RFC1: variants seen among roughly 807,000 people sequenced by gnomAD.
RFC1 encodes A1 140 kDa subunit.
A neutral mutation model predicts 137.4 loss-of-function variants in RFC1; 37 were observed. The ratio of observed to expected loss-of-function variants is 0.27; its 90% CI spans 0.21 to 0.35. The LOEUF is 0.35. RFC1 is among the 10% of genes least tolerant of loss of function. RFC1 has a pLI of 1.00. For synonymous variants in RFC1, 429 were observed against 455.7 expected, an observed-to-expected ratio of 0.94 and a Z score of 0.75; for missense variants, 1,205 against 1,358.5, an observed-to-expected ratio of 0.89 and a Z score of 1.78.
chr4:39,333,228 T>A (rs912620359), intron 4 of RFC1, among the ~76,000 whole-genome samples: 8 of 152,212 alleles, frequency 5.3e-5, no homozygotes, highest in African/African-American at 1.9e-4. Context: ...TAGATTTTTT[T>A]AATATTATAC....
intron 2 of RFC1, 66 bp downstream of exon 2, chr4:39,351,282 A>AT: frequency 1.9e-6 from 1 of 535,058 alleles, no homozygotes; most frequent in Non-Finnish European, 2.7e-6. Flanking sequence ...AAAAAAAAAA[A>AT]AAACTTATAA....
Position 39,345,450 on chromosome 4 carries a change from G to A in RFC1, c.159C>T (p.Asp53=). The A allele has an allele frequency of 6.2e-7, 1 of 1,613,598 alleles. No individual in the cohort carries two copies. The highest frequency in any genetic ancestry group is 8.5e-7 in the Non-Finnish European group (1 of 1,179,712). ...TCTTGCTTGGTTGCTTTTGTTTGAA[G>A]TCATCCTCTTTACGGGAGCTATTTA... ...IKVNSSRKED[D]FKQKQPSKKK... Residue 53 remains aspartate (D), a synonymous_variant, in exon 3 of 25, where the codon GAC becomes GAT. Coordinates refer to ENST00000349703, the MANE Select transcript of RFC1 (RefSeq NM_002913.5).
At chr4:39,305,674 ATT>A (rs1738604232) in intron 14 of RFC1, among the ~76,000 whole-genome samples, 1 of 152,208 alleles carries the variant, frequency 6.6e-6, no homozygotes, top group Non-Finnish European at 1.5e-5. Flanking sequence ...AAGTTAAATC[ATT>A]CTTTGTCACG....
At chr4:39,358,687 GTT>G (rs1274086068) in intron 1 of RFC1, among the ~76,000 whole-genome samples, 1 of 152,104 alleles carries the variant, frequency 6.6e-6, no homozygotes, top group African/African-American at 2.4e-5. Flanking sequence ...CATGCCAATT[GTT>G]TTTATGCTTT....
At chr4:39,360,965 C>A (rs1465372300) in intron 1 of RFC1, among the ~76,000 whole-genome samples, 1 of 152,180 alleles carries the variant, frequency 6.6e-6, no homozygotes, top group Non-Finnish European at 1.5e-5. Flanking sequence ...CATCAACATA[C>A]TTCACAAAAG....
intron 9 of RFC1, among the ~76,000 whole-genome samples, chr4:39,320,135 A>T (rs1178686968): frequency 6.6e-6 from 1 of 152,110 alleles, no homozygotes; most frequent in Admixed American, 6.5e-5. Flanking sequence ...AGATCACCTG[A>T]GGTCGGGAGT....
chr4:39,297,018 T>G (rs1350860460), intron 21 of RFC1, among the ~76,000 whole-genome samples: 1 of 151,050 alleles, frequency 6.6e-6, no homozygotes, highest in African/African-American at 2.4e-5. Flanking sequence ...GATTAGCATT[T>G]TTTCATGTGT....
At chr4:39,358,704 G>A (rs1741602367) in intron 1 of RFC1, among the ~76,000 whole-genome samples, 2 of 152,212 alleles carry the variant, frequency 1.3e-5, no homozygotes, top group South Asian at 2.1e-4. Context: ...TGCTTTTGTG[G>A]ATGAAAGCTA....
chr4:39,326,625 C>G lies in RFC1; in HGVS notation c.580G>C (p.Asp194His). ...SKRKELSQNT[D>H]ESGLNDEAIA... ...GCTTCATCATTTAATCCAGACTCAT[C>G]TGTATTTTGTGAAAGCTATATTTCA... Residue 194 changes from aspartate (D) to histidine (H), a missense_variant, in exon 6 of 25, where the codon GAT becomes CAT. By Grantham distance (81) the Asp-to-His change is moderately conservative. Coordinates refer to ENST00000349703, the MANE Select transcript of RFC1 (RefSeq NM_002913.5). 2 of 1,612,094 alleles carry G rather than the reference C, an allele frequency of 1.2e-6. No individual in the cohort carries two copies. Among genetic ancestry groups the G allele is most frequent in the South Asian group, 1.1e-5 (1 of 90,892 alleles).
At chr4:39,292,475 T>C (rs1737729046) in intron 22 of RFC1, among the ~76,000 whole-genome samples, 1 of 152,174 alleles carries the variant, frequency 6.6e-6, no homozygotes, top group African/African-American at 2.4e-5. Context: ...TATCATAAAA[T>C]GACTCTTTCT....
At chr4:39,303,711 C>T (rs965905110) in intron 15 of RFC1, among the ~76,000 whole-genome samples, 1 of 152,238 alleles carries the variant, frequency 6.6e-6, no homozygotes, top group Non-Finnish European at 1.5e-5. Context: ...GCCTCAGCCT[C>T]CCAAAGTGCT....
Position 39,288,858 on chromosome 4 carries a change from GA to G in RFC1, c.3361-15del. ...TTTTGTCTTTTTCTGTTAGGGGGAA[GA>G]TAACAAAATAGTTAATAGCTGTGTT... is the stretch of plus-strand genomic sequence containing the variant. On this transcript the variant is annotated splice_polypyrimidine_tract_variant and intron_variant, in intron 24 of 24. Transcript: ENST00000349703. The G allele has an allele frequency of 2.0e-6, 3 of 1,533,120 alleles. No homozygotes were observed. The highest frequency in any genetic ancestry group is 2.7e-6 in the Non-Finnish European group (3 of 1,109,270). The allele number at this position is 1,533,120 out of a possible 1,614,324, so 95.0% of individuals were successfully genotyped here. A position where few individuals can be genotyped will look rare whatever the true frequency, so the allele number is the denominator to read the frequency against.
At chr4:39,298,366 G>C (rs187911829) in intron 21 of RFC1, among the ~76,000 whole-genome samples, 20 of 146,834 alleles carry the variant, frequency 1.4e-4, no homozygotes, top group African/African-American at 4.4e-4. Context: ...TTTGTTTCTT[G>C]TTTTCAAGCA....
chr4:39,334,025 C>T (rs1454745763), intron 4 of RFC1, among the ~76,000 whole-genome samples: 1 of 151,936 alleles, frequency 6.6e-6, no homozygotes, highest in Admixed American at 6.6e-5. Flanking sequence ...ACGAGTAACT[C>T]TAGTAAAACA....
rs1192754517 is a variant in RFC1, at chr4:39,308,695, T to G, written c.1826A>C (p.Asn609Thr). The G allele has an allele frequency of 6.2e-7, 1 of 1,614,174 alleles. No individual in the cohort carries two copies. Among genetic ancestry groups the G allele is most frequent in the Non-Finnish European group, 8.5e-7 (1 of 1,180,020 alleles). ...GTTTCGGAGCCAGCGTAGGAGTTTG[T>G]TGGCACAGCTCTGGTCACCTTGCTG... ...IGQQGDQSCA[N>T]KLLRWLRNWQ... Residue 609 changes from asparagine (N) to threonine (T), a missense_variant, in exon 13 of 25, where the codon AAC (asparagine) becomes ACC (threonine). Asn to Thr is a moderately conservative substitution (Grantham distance 65, BLOSUM62 0). Coordinates refer to ENST00000349703, the MANE Select transcript of RFC1 (RefSeq NM_002913.5).
At chr4:39,301,952 A>G (rs536201208) in intron 19 of RFC1, among the ~76,000 whole-genome samples, 26 of 152,362 alleles carry the variant, frequency 1.7e-4, no homozygotes, top group African/African-American at 6.0e-4. Context: ...ACCATTTGAC[A>G]TGGATTATTC....
intron 23 of RFC1, 134 bp downstream of exon 23, chr4:39,291,505 T>G: frequency 1.5e-6 from 1 of 658,278 alleles, no homozygotes; most frequent in Admixed American, 2.4e-5. Flanking sequence ...TTGGAAAATA[T>G]AGGCCATAAG....
intron 4 of RFC1, among the ~76,000 whole-genome samples, chr4:39,329,482 C>G (rs1040394678): frequency 5.3e-5 from 8 of 151,772 alleles, no homozygotes; most frequent in African/African-American, 1.9e-4. Context: ...CCCAGCTACT[C>G]CGGAGGCAGA....
chr4:39,292,701 G>C (rs1459280128), intron 22 of RFC1, among the ~76,000 whole-genome samples: 1 of 151,466 alleles, frequency 6.6e-6, no homozygotes, highest in Non-Finnish European at 1.5e-5. Flanking sequence ...GTGTGCAGTG[G>C]TGCAGTCTTG....
Sources: gnomAD v4.1 joint callset for allele counts (sites outside exome capture counted in the v4.1 genomes callset) on GRCh38, gnomAD v4.1.1 for gene constraint, MANE v1.5 for transcripts, NCBI Gene and HGNC (gene_info 2026-07-23, HGNC 2026-07-21) for gene names.